Variants in IL22 observed in about 807,000 individuals in gnomAD.
IL22 encodes the protein interleukin-22.
IL22 carries 15 observed loss-of-function variants against 15.5 expected under a neutral mutation model. The observed-to-expected ratio is 0.97, with a 90% CI of 0.65 to 1.49. The LOEUF (loss-of-function observed/expected upper bound fraction) is 1.49, where lower values mean the gene tolerates loss of function less well. IL22 is among the 40% of genes most tolerant of loss of function. The probability of loss-of-function intolerance (pLI) is 0.00; values close to 1 mark genes in which losing one functional copy is unlikely to be tolerated. For missense variants in IL22, 225 were observed against 215.4 expected (o/e 1.04, Z -0.28); for synonymous variants, 91 against 82.0 (o/e 1.11, Z -0.60).
At chr12:68,251,000 G>A (rs1179249) in intron 5 of IL22, among the ~76,000 whole-genome samples, 14 of 152,118 alleles carry the variant, frequency 9.2e-5, no homozygotes, top group Non-Finnish European at 1.6e-4. Context: ...TGCAAGTCCA[G>A]CTCTTTTCTC....
rs1221459727 is a variant in IL22 at position 68,251,375 on chromosome 12, C to G, written c.462+138G>C. On this transcript the variant is annotated intron_variant, in intron 5 of 5. Transcript: ENST00000538666. ...CTAGATATATAGATATATCTACATACACAGACACCAAAGTAATCGCCCTGG... is the reference window on the plus strand; with the variant it reads ...CTAGATATATAGATATATCTACATAGACAGACACCAAAGTAATCGCCCTGG... 3 of 678,774 alleles carry G rather than the reference C, an allele frequency of 4.4e-6. No individual in the cohort carries two copies. In the Admixed American group the frequency reaches 6.8e-5, roughly 15 times the overall value. 42.0% of individuals were successfully genotyped at this position (678,774 alleles called of 1,614,324 possible).
intron 5 of IL22, 30 bp from the exon 6 acceptor site, chr12:68,248,906 A>C (rs771768909): frequency 6.5e-7 from 1 of 1,538,542 alleles, no homozygotes; most frequent in South Asian, 1.1e-5. Flanking sequence ...AAAGTATTTG[A>C]GCATTTATGC....
intron 4 of IL22, 73 bp downstream of exon 4, chr12:68,252,431 A>G (rs1005645717): frequency 1.7e-5 from 25 of 1,476,482 alleles, no homozygotes; most frequent in South Asian, 4.7e-5. Context: ...AAGGAGAGAG[A>G]GTTGGGGTAA....
intron 4 of IL22, among the ~76,000 whole-genome samples, chr12:68,252,144 C>T (rs1869953678): frequency 6.6e-6 from 1 of 152,156 alleles, no homozygotes; most frequent in Non-Finnish European, 1.5e-5. Flanking sequence ...AATTTCTCTC[C>T]ATGCCATCCC....
At chr12:68,253,189 C>T (rs1451968973) in intron 2 of IL22, 74 bp downstream of exon 2, 1 of 1,308,380 alleles carries the variant, frequency 7.6e-7, no homozygotes, top group Non-Finnish European at 1.1e-6. Flanking sequence ...CTTAGAGATG[C>T]TCTGAAGAAA....
intron 2 of IL22, 108 bp downstream of exon 2, chr12:68,253,155 G>T (rs1565748633): frequency 2.2e-6 from 2 of 911,254 alleles, no homozygotes; most frequent in African/African-American, 1.7e-5. Flanking sequence ...TACCCTCAGG[G>T]ATAAACAGTG....
rs199546412 is a variant in IL22 at position 68,248,829 on chromosome 12, C to T, written c.510G>A (p.Leu170=). The change falls in exon 6 of 6, where the codon CTG becomes CTA. Residue 170 remains leucine, a synonymous_variant. Transcript: ENST00000538666. The part of the protein sequence containing the change: ...EIKAIGELDL[L]FMSLRNACI ...TGCAGGCATTTCTCAGAGACATAAA[C>T]AGCAAATCCAGTTCTCCAATTGCTT... is the stretch of plus-strand genomic sequence containing the variant. 10 of 1,613,106 alleles carry T rather than the reference C, an allele frequency of 6.2e-6. No homozygotes were observed. In the East Asian group the frequency reaches 1.3e-4, roughly 22 times the overall value.
At chr12:68,253,224 A>G in intron 2 of IL22, 39 bp downstream of exon 2, 1 of 1,551,192 alleles carries the variant, frequency 6.4e-7, no homozygotes, top group East Asian at 2.3e-5. Flanking sequence ...TTGGATTCCA[A>G]GTAGATCCAA....
At position 68,248,357 on chromosome 12, in the gene IL22, T is replaced by C. The variant is rs1869807883; in HGVS notation, c.*442A>G. On this transcript the variant is annotated 3_prime_UTR_variant, in exon 6 of 6. Transcript: ENST00000538666. ...GTAGCAATATCGAATGATGTTTCTA[T>C]AAATAAATCCATATTAATAAAATGA... 6.6e-6 allele frequency: 1 copy of C among 152,264 alleles called. No individual in the cohort carries two copies. The highest frequency in any genetic ancestry group is 1.5e-5 in the Non-Finnish European group (1 of 68,078). 9.4% of individuals were successfully genotyped at this position (152,264 alleles called of 1,614,324 possible).
intron 5 of IL22, 95 bp downstream of exon 5, chr12:68,251,418 G>T: frequency 1.1e-6 from 1 of 940,460 alleles, no homozygotes; most frequent in South Asian, 1.3e-5. Context: ...AGAATCAAGT[G>T]AAAAATCACA....
At chr12:68,249,466 T>C (rs1051476064) in intron 5 of IL22, among the ~76,000 whole-genome samples, 2 of 152,220 alleles carry the variant, frequency 1.3e-5, no homozygotes, top group Admixed American at 6.5e-5. Context: ...AGCCAAATGA[T>C]TGGACACTCC....
chr12:68,251,634 C>A (rs534996783), intron 4 of IL22, 56 bp from the exon 5 acceptor site: 2 of 1,289,488 alleles, frequency 1.6e-6, no homozygotes, highest in South Asian at 2.4e-5. Context: ...CTTTATGAAC[C>A]TCCACACCCA....
intron 2 of IL22, 93 bp from the exon 3 acceptor site, chr12:68,252,922 C>A (rs1869987914): frequency 3.2e-6 from 3 of 947,556 alleles, no homozygotes; most frequent in Admixed American, 1.9e-5. Context: ...CTCCCCAGAG[C>A]AACATCATAA....
chr12:68,251,967 G>A (rs1869946538), intron 4 of IL22, among the ~76,000 whole-genome samples: 1 of 152,112 alleles, frequency 6.6e-6, no homozygotes, highest in Non-Finnish European at 1.5e-5. Context: ...AAGTCCTAGG[G>A]CCTTTTACTG....
intron 4 of IL22, 88 bp downstream of exon 4, chr12:68,252,409 AGGGGTAG>A: frequency 8.1e-7 from 1 of 1,230,382 alleles, no homozygotes; most frequent in Non-Finnish European, 1.2e-6. Context: ...CTGCTAGCTT[AGGGGTAG>A]GGGGAAGGAG....
chr12:68,253,454 A>G lies in IL22; in HGVS notation c.-6T>C. The stretch of plus-strand genomic sequence containing the variant: ...GATTTCTGCAGGGCGGCCATTGCAG[A>G]CAATTCTAACTCGAGCAACTGGTGA... On this transcript the variant is annotated 5_prime_UTR_variant, in exon 2 of 6. Transcript: ENST00000538666. 5 of 1,586,860 alleles carry G rather than the reference A, an allele frequency of 3.2e-6. No homozygotes were observed. The highest frequency in any genetic ancestry group is 2.3e-5 in the South Asian group (2 of 87,750).
In IL22 at chr12:68,248,368, A is replaced by G. The variant is rs1869808327; in HGVS notation, c.*431T>C. The G allele has an allele frequency of 6.6e-6, 1 of 152,204 alleles. No homozygotes were observed. The highest frequency in any genetic ancestry group is 1.9e-4 in the East Asian group (1 of 5,224). 9.4% of individuals were successfully genotyped at this position (152,204 alleles called of 1,614,324 possible). ...GAATGATGTTTCTATAAATAAATCCATATTAATAAAATGATATAAATAAAA... is the reference window on the plus strand; with the variant it reads ...GAATGATGTTTCTATAAATAAATCCGTATTAATAAAATGATATAAATAAAA... On this transcript the variant is annotated 3_prime_UTR_variant, in exon 6 of 6. Transcript: ENST00000538666.
chr12:68,249,984 C>A (rs180870612), intron 5 of IL22, among the ~76,000 whole-genome samples: 4 of 152,244 alleles, frequency 2.6e-5, no homozygotes, highest in Admixed American at 2.6e-4. Flanking sequence ...TACTACCAAC[C>A]TGCGTTCTGC....
intron 5 of IL22, among the ~76,000 whole-genome samples, chr12:68,249,362 T>C (rs1020815081): frequency 1.3e-5 from 2 of 152,206 alleles, no homozygotes; most frequent in Admixed American, 6.5e-5. Context: ...CTTAAAACAG[T>C]ATGAGATTTA....
Sources: allele counts gnomAD v4.1 joint callset (sites outside exome capture counted in the v4.1 genomes callset), GRCh38; gene constraint gnomAD v4.1.1; transcripts MANE v1.5; gene names NCBI Gene and HGNC (gene_info 2026-07-23, HGNC 2026-07-21).